Variants in DDX4 observed in about 807,000 individuals in gnomAD.
DDX4 encodes probable ATP-dependent RNA helicase DDX4.
A neutral mutation model predicts 100.0 loss-of-function variants in DDX4; 25 were observed. The observed-to-expected ratio is 0.25, with a 90% CI of 0.18 to 0.35. The LOEUF (loss-of-function observed/expected upper bound fraction) is 0.35, where lower values mean the gene tolerates loss of function less well. DDX4 is among the 10% of genes least tolerant of loss of function. The pLI is 1.00. For synonymous variants in DDX4, 259 were observed against 275.7 expected (o/e 0.94, Z 0.60); for missense variants, 635 against 882.4 (o/e 0.72, Z 3.55).
chr5:55,747,539 C>T (rs553660645), intron 3 of DDX4, among the ~76,000 whole-genome samples: 76 of 152,190 alleles, frequency 5.0e-4, no homozygotes, highest in Non-Finnish European at 9.1e-4. Context: ...GGAGCAAAAC[C>T]CTGTCTCTAA....
chr5:55,786,161 A>T (rs1742233097), intron 13 of DDX4, among the ~76,000 whole-genome samples: 1 of 152,146 alleles, frequency 6.6e-6, no homozygotes, highest in African/African-American at 2.4e-5. Context: ...GATTGTGAGA[A>T]AGTGTGTCTT....
chr5:55,792,805 A>C lies in DDX4; in HGVS notation c.1467A>C (p.Gln489His), dbSNP rs1283336001. The C allele has an allele frequency of 1.4e-6, 2 of 1,401,780 alleles. No individual in the cohort carries two copies. Among genetic ancestry groups the C allele is most frequent in the African/African-American group, 3.0e-5 (2 of 67,662 alleles). 86.8% of individuals were successfully genotyped at this position (1,401,780 alleles called of 1,614,324 possible). The change falls in exon 17 of 22, where the codon CAA becomes CAC. Residue 489 changes from glutamine (Q) to histidine (H), a missense_variant and splice_region_variant. By Grantham distance (24) the Gln-to-His change is conservative. This residue lies in a region of DDX4 where 115 missense variants were observed against 224.7 expected (regional missense o/e 0.51). Transcript: ENST00000505374. ...MFSATFPEEI[Q>H]RLAAEFLKSN... ...GTGCAACTTTTCCAGAGGAAATTCAAAGGTTAAGTTTTTTTCTTAAAAATA... is the reference window on the plus strand; with the variant it reads ...GTGCAACTTTTCCAGAGGAAATTCACAGGTTAAGTTTTTTTCTTAAAAATA...
At chr5:55,753,239 C>T (rs566584221) in intron 3 of DDX4, among the ~76,000 whole-genome samples, 188 of 152,252 alleles carry the variant, frequency 1.2e-3, no homozygotes, top group African/African-American at 4.2e-3. Flanking sequence ...CCTATGAAGT[C>T]CTTGCCCATG....
At chr5:55,786,421 T>C in intron 13 of DDX4, 97 bp from the exon 14 acceptor site, 1 of 922,008 alleles carries the variant, frequency 1.1e-6, no homozygotes, top group East Asian at 2.6e-5. Flanking sequence ...TAAAGTAGAA[T>C]TAACAGAACT....
chr5:55,786,638 A>T lies in DDX4; in HGVS notation c.985A>T (p.Met329Leu). The change falls in exon 14 of 22, where the codon ATG becomes TTG. Residue 329 changes from methionine (M) to leucine (L), a missense_variant. This residue lies in a region of DDX4 where 446 missense variants were observed against 540.8 expected (regional missense o/e 0.82). Transcript: ENST00000505374. Reference protein sequence around the residue: ...IPIILAGRDLMACAQTGSGKT... With the variant: ...IPIILAGRDLLACAQTGSGKT... ...TATCATACTTGCAGGACGAGATTTG[A>T]TGGCTTGCGCTCAAACAGGGTCTGG... 6.2e-7 allele frequency: 1 copy of T among 1,613,512 alleles called. No homozygotes were observed. Among genetic ancestry groups the T allele is most frequent in the Non-Finnish European group, 8.5e-7 (1 of 1,179,510 alleles).
chr5:55,790,206 G>A (rs1742481729), intron 15 of DDX4, among the ~76,000 whole-genome samples: 2 of 147,198 alleles, frequency 1.4e-5, no homozygotes. Context: ...GTAGAGTGGT[G>A]GGATCTCGGC....
intron 3 of DDX4, among the ~76,000 whole-genome samples, chr5:55,754,400 C>G (rs1470415396): frequency 1.9e-5 from 2 of 106,462 alleles, no homozygotes; most frequent in Non-Finnish European, 3.8e-5. Flanking sequence ...TGAATTTTGT[C>G]AAAGGCTTTT....
intron 18 of DDX4, among the ~76,000 whole-genome samples, chr5:55,805,652 C>G (rs1035309452): frequency 2.0e-5 from 3 of 152,176 alleles, no homozygotes; most frequent in Non-Finnish European, 4.4e-5. Context: ...ATTGAACCAG[C>G]CTTGCATCCC....
At chr5:55,806,220 C>G (rs1459972114) in intron 18 of DDX4, among the ~76,000 whole-genome samples, 1 of 152,046 alleles carries the variant, frequency 6.6e-6, no homozygotes. Context: ...CTCTTTTCTT[C>G]TTTATTAGTC....
intron 6 of DDX4, among the ~76,000 whole-genome samples, chr5:55,764,322 G>A (rs1740755958): frequency 6.6e-6 from 1 of 152,032 alleles, no homozygotes; most frequent in South Asian, 2.1e-4. Flanking sequence ...TAAGAAAATG[G>A]GGATAGATAA....
At chr5:55,779,454 G>A (rs1741774032) in intron 7 of DDX4, among the ~76,000 whole-genome samples, 1 of 152,080 alleles carries the variant, frequency 6.6e-6, no homozygotes, top group African/African-American at 2.4e-5. Context: ...TGCCCTATGA[G>A]TCTGCTCTAT....
intron 3 of DDX4, among the ~76,000 whole-genome samples, chr5:55,751,180 TTTTTAA>T (rs766649511): frequency 2.0e-5 from 3 of 152,336 alleles, no homozygotes; most frequent in African/African-American, 4.8e-5. Flanking sequence ...ACATTTGACA[TTTTTAA>T]TTTTAATTAA....
At chr5:55,778,424 A>G (rs183762845) in intron 7 of DDX4, among the ~76,000 whole-genome samples, 78 of 152,328 alleles carry the variant, frequency 5.1e-4, no homozygotes, top group Non-Finnish European at 2.5e-4. Context: ...AATAGTTTAA[A>G]TATTTCTTTT....
chr5:55,801,357 T>G (rs1487263267), intron 18 of DDX4, among the ~76,000 whole-genome samples: 1 of 152,180 alleles, frequency 6.6e-6, no homozygotes, highest in Non-Finnish European at 1.5e-5. Context: ...CACCCCTGGT[T>G]TAGGCAATTA....
chr5:55,787,014 G>A (rs935262550), intron 14 of DDX4, among the ~76,000 whole-genome samples: 5 of 152,192 alleles, frequency 3.3e-5, no homozygotes, highest in East Asian at 3.8e-4. Context: ...TGGTACACTC[G>A]AAGTCAAAAG....
intron 18 of DDX4, among the ~76,000 whole-genome samples, chr5:55,803,319 G>A (rs903306854): frequency 8.7e-5 from 13 of 149,098 alleles, no homozygotes; most frequent in Non-Finnish European, 3.0e-5. Context: ...TGGTGTATAT[G>A]TGCCACATTT....
chr5:55,769,953 A>G (rs1741154669), intron 7 of DDX4, among the ~76,000 whole-genome samples: 1 of 150,032 alleles, frequency 6.7e-6, no homozygotes, highest in Non-Finnish European at 1.5e-5. Flanking sequence ...TGCAACCTCC[A>G]CCTCCCAGGT....
chr5:55,750,335 A>G (rs1759479186), intron 3 of DDX4: 1 of 154,034 alleles, frequency 6.5e-6, no homozygotes, highest in Non-Finnish European at 1.5e-5. Flanking sequence ...AACCTTTGAT[A>G]ATAGCTTGCA....
chr5:55,740,193 A>G (rs1273641568), intron 2 of DDX4, among the ~76,000 whole-genome samples: 1 of 152,162 alleles, frequency 6.6e-6, no homozygotes, highest in South Asian at 2.1e-4. Context: ...TTTTTGATAC[A>G]GTGTCTTGCT....
Sources: gnomAD v4.1 joint callset for allele counts (sites outside exome capture counted in the v4.1 genomes callset) on GRCh38, gnomAD v4.1.1 for gene constraint, gnomAD v4.1.1 regional missense constraint, MANE v1.5 for transcripts, NCBI Gene and HGNC (gene_info 2026-07-23, HGNC 2026-07-21) for gene names.